Variants in SCP2 observed in about 807,000 individuals in gnomAD.
SCP2 encodes the protein sterol carrier protein 2, also known as SCP-2/3-oxoacyl-CoA thiolase.
Under a neutral mutation model 71.4 loss-of-function variants are expected in SCP2, and 48 were observed. That is an observed-to-expected ratio of 0.67 (90% confidence interval 0.53 to 0.86). SCP2 has a LOEUF of 0.86. Ranked by LOEUF, SCP2 falls within the 40% of genes least tolerant of loss-of-function variation. The probability of loss-of-function intolerance (pLI) is 0.00; values close to 1 mark genes in which losing one functional copy is unlikely to be tolerated. For synonymous variants in SCP2, 220 were observed against 218.1 expected (o/e 1.01, Z -0.08); for missense variants, 560 against 655.6 (o/e 0.85, Z 1.59).
chr1:52,931,150 AG>A (rs1218575611), intron 1 of SCP2, among the ~76,000 whole-genome samples: 1 of 152,232 alleles, frequency 6.6e-6, no homozygotes, highest in Admixed American at 6.5e-5. Flanking sequence ...TGAGTAGGAA[AG>A]GAAACAATAG....
chr1:53,024,819 G>C lies in SCP2; in HGVS notation c.1236-3150G>C, dbSNP rs145319601. Reference sequence around the variant, plus strand: ...ACTCCTGACCTCAGGTGATCCACCTGCCTCGGCGTCCCAAAGTGCTGGGAT... The same window carrying C: ...ACTCCTGACCTCAGGTGATCCACCTCCCTCGGCGTCCCAAAGTGCTGGGAT... On this transcript the variant is annotated intron_variant, in intron 12 of 15. Coordinates refer to ENST00000371514, the MANE Select transcript of SCP2 (RefSeq NM_002979.5). Among the ~76,000 whole-genome samples, 945 of 151,976 alleles carry C rather than the reference G, an allele frequency of 6.2e-3. 15 individuals carry two copies. The highest frequency in any genetic ancestry group is 0.022 in the African/African-American group (908 of 41,466).
At chr1:52,999,333 G>A (rs1233998932) in intron 11 of SCP2, among the ~76,000 whole-genome samples, 3 of 152,154 alleles carry the variant, frequency 2.0e-5, no homozygotes, top group Non-Finnish European at 4.4e-5. Context: ...ATAACAAACT[G>A]CAATAGAATT....
At position 52,951,809 on chromosome 1, in the gene SCP2, C is replaced by T. The variant is rs183297507; in HGVS notation, c.331+923C>T. ...TCAGCTCACTGCAACCTCCACCTCC[C>T]GGGTTCAAGTGATTCTCATGCCTCA... On this transcript the variant is annotated intron_variant, in intron 4 of 15. Transcript: ENST00000371514. 1.1e-4 allele frequency among the ~76,000 whole-genome samples: 16 copies of T among 151,956 alleles called. 1 individual carries two copies. The South Asian group carries it at 2.5e-3, about 24-fold the overall frequency.
chr1:53,014,241 G>C (rs1661183594), intron 11 of SCP2, among the ~76,000 whole-genome samples: 1 of 151,958 alleles, frequency 6.6e-6, no homozygotes, highest in Non-Finnish European at 1.5e-5. Context: ...TCCTTCAATA[G>C]CTGGTCCGAT....
intron 1 of SCP2, among the ~76,000 whole-genome samples, chr1:52,929,582 T>A (rs1283445839): frequency 3.3e-5 from 5 of 152,096 alleles, no homozygotes; most frequent in Admixed American, 2.6e-4. Flanking sequence ...GTAGGTGGGA[T>A]TACAGGTGTG....
intron 6 of SCP2, among the ~76,000 whole-genome samples, chr1:52,963,393 A>G (rs1213340663): frequency 1.3e-5 from 2 of 150,922 alleles, no homozygotes; most frequent in South Asian, 2.1e-4. Context: ...TTTCTCTTCT[A>G]TAGTCTGCAG....
chr1:52,948,041 T>C lies in SCP2; in HGVS notation c.160T>C (p.Tyr54His). 6 of 1,613,498 alleles carry C rather than the reference T, an allele frequency of 3.7e-6. No individual in the cohort carries two copies. Among genetic ancestry groups the C allele is most frequent in the Non-Finnish European group, 5.1e-6 (6 of 1,179,458 alleles). The change falls in exon 3 of 16, where the codon TAT becomes CAT. Residue 54 changes from tyrosine (Y) to histidine (H), a missense_variant. Physicochemically the swap from Tyr to His is moderately conservative, Grantham distance 83. Coordinates refer to ENST00000371514, the MANE Select transcript of SCP2 (RefSeq NM_002979.5). ...GGCTTTAGCTGATGCACAGATCCCT[T>C]ATTCAGCAGTGGACCAGGCATGTGT... Reference protein sequence around the residue: ...KKALADAQIPYSAVDQACVGY... With the variant: ...KKALADAQIPHSAVDQACVGY...
intron 11 of SCP2, among the ~76,000 whole-genome samples, chr1:52,990,385 G>T (rs1053745433): frequency 6.6e-5 from 10 of 152,060 alleles, no homozygotes; most frequent in Admixed American, 2.0e-4. Context: ...ACTAGACAAA[G>T]ACTTTAACTA....
At chr1:52,971,282 C>G (rs1657475700) in intron 6 of SCP2, among the ~76,000 whole-genome samples, 1 of 152,128 alleles carries the variant, frequency 6.6e-6, no homozygotes, top group East Asian at 1.9e-4. Context: ...GGCCGAGAGA[C>G]ACAGATTTAC....
At chr1:52,942,891 G>A (rs1195638728) in intron 2 of SCP2, among the ~76,000 whole-genome samples, 2 of 151,754 alleles carry the variant, frequency 1.3e-5, no homozygotes, top group African/African-American at 4.8e-5. Flanking sequence ...TAGTAGAAAC[G>A]GGGTTTCACC....
At position 52,974,724 on chromosome 1, in the gene SCP2, G is replaced by T. The variant is rs867280399; in HGVS notation, c.524-45G>T. The T allele has an allele frequency of 1.2e-5, 11 of 937,682 alleles. No individual in the cohort carries two copies. In the Middle Eastern group the frequency reaches 2.3e-3, roughly 197 times the overall value. 58.1% of individuals were successfully genotyped at this position (937,682 alleles called of 1,614,324 possible). On this transcript the variant is annotated intron_variant, in intron 6 of 15. Coordinates refer to ENST00000371514, the MANE Select transcript of SCP2 (RefSeq NM_002979.5). The stretch of plus-strand genomic sequence containing the variant: ...CCATTGCAAGATTTGTTAATAAGCA[G>T]CGGAAAAACATTCACCCACTGGTAG...
intron 12 of SCP2, among the ~76,000 whole-genome samples, chr1:53,016,826 AG>A (rs1661372202): frequency 6.6e-6 from 1 of 152,232 alleles, no homozygotes; most frequent in Non-Finnish European, 1.5e-5. Flanking sequence ...CTTTAGCAAA[AG>A]ATCATGTGAC....
At position 52,950,707 on chromosome 1, in the gene SCP2, T is replaced by C. The variant is rs201520479; in HGVS notation, c.200-48T>C. On this transcript the variant is annotated intron_variant, in intron 3 of 15. Coordinates refer to ENST00000371514, the MANE Select transcript of SCP2 (RefSeq NM_002979.5). ...ACCCATAATGTAGTATTATGTTGCA[T>C]TGCAACTCCATAATTCTCCATATTA... The C allele has an allele frequency of 1.3e-5, 20 of 1,541,022 alleles. No homozygotes were observed. In the East Asian group the frequency reaches 4.3e-4, roughly 33 times the overall value.
chr1:53,005,417 T>C (rs915350158), intron 11 of SCP2, among the ~76,000 whole-genome samples: 2 of 152,158 alleles, frequency 1.3e-5, no homozygotes, highest in Admixed American at 1.3e-4. Context: ...CCCTCTGAGA[T>C]GAAGCATCCA....
At chr1:53,030,124 G>A (rs190286119) in intron 13 of SCP2, among the ~76,000 whole-genome samples, 13 of 152,098 alleles carry the variant, frequency 8.5e-5, no homozygotes, top group Admixed American at 2.6e-4. Context: ...TCCTGACCTC[G>A]TCATCTTCCC....
chr1:53,028,297 A>G (rs930699463), intron 13 of SCP2, among the ~76,000 whole-genome samples: 1 of 152,220 alleles, frequency 6.6e-6, no homozygotes, highest in Non-Finnish European at 1.5e-5. Context: ...AACTATAATA[A>G]ATACTGTTAA....
At chr1:52,960,480 A>ATATGTG (rs1287812730) in intron 5 of SCP2, among the ~76,000 whole-genome samples, 2 of 139,538 alleles carry the variant, frequency 1.4e-5, no homozygotes, top group South Asian at 4.5e-4. Flanking sequence ...TACTATGTAT[A>ATATGTG]TGTGTGTGTG....
At chr1:53,035,021 C>G (rs1267739033) in intron 13 of SCP2, among the ~76,000 whole-genome samples, 1 of 151,914 alleles carries the variant, frequency 6.6e-6, no homozygotes, top group African/African-American at 2.4e-5. Flanking sequence ...AGGAGAATGG[C>G]ATGAACCTGG....
chr1:52,979,486 G>A lies in SCP2; in HGVS notation c.826-910G>A, dbSNP rs1658288296. ...TTACAGGCATGAGCCACCACGCCTG[G>A]CCTCACCGTTTTATTCCTTGAAGAA... On this transcript the variant is annotated intron_variant, in intron 9 of 15. Transcript: ENST00000371514. Among the ~76,000 whole-genome samples the A allele has an allele frequency of 7.9e-5, 12 of 152,150 alleles. No individual in the cohort carries two copies. In the South Asian group the frequency reaches 2.5e-3, roughly 32 times the overall value.
Sources: allele counts gnomAD v4.1 joint callset (sites outside exome capture counted in the v4.1 genomes callset), GRCh38; gene constraint gnomAD v4.1.1; transcripts MANE v1.5; gene names NCBI Gene and HGNC (gene_info 2026-07-23, HGNC 2026-07-21).